RPS6KC1: variants seen among roughly 807,000 people sequenced by gnomAD.
RPS6KC1 encodes ribosomal protein S6 kinase C1.
In RPS6KC1, 54 loss-of-function variants were observed where a neutral mutation model predicts 103.8. The observed-to-expected ratio is 0.52, with a 90% CI of 0.42 to 0.65. RPS6KC1 has a LOEUF of 0.65. RPS6KC1 is among the 30% of genes least tolerant of loss of function. The probability of loss-of-function intolerance (pLI) is 0.00; values close to 1 mark genes in which losing one functional copy is unlikely to be tolerated. For missense variants in RPS6KC1, 1,151 were observed against 1,253.8 expected (o/e 0.92, Z 1.24); for synonymous variants, 439 against 438.7 (o/e 1.00, Z -0.01).
chr1:213,261,652 C>T lies in RPS6KC1; in HGVS notation c.2994+12C>T, dbSNP rs751667190. 2.5e-6 allele frequency: 4 copies of T among 1,606,468 alleles called. No homozygotes were observed. The South Asian group carries it at 4.4e-5, about 18-fold the overall frequency. On this transcript the variant is annotated intron_variant, in intron 13 of 14. Coordinates refer to ENST00000366960, the MANE Select transcript of RPS6KC1 (RefSeq NM_012424.6). Reference sequence around the variant, plus strand: ...TTCTCACTGGCAAGGTAAGCAGTGGCCTGGACGTTTAATAAATTTACTCAG... The same window carrying T: ...TTCTCACTGGCAAGGTAAGCAGTGGTCTGGACGTTTAATAAATTTACTCAG...
the RPS6KC1 span, among the ~76,000 whole-genome samples, chr1:213,523,988 G>A: frequency 2.6e-5 from 4 of 152,108 alleles, no homozygotes; most frequent in Non-Finnish European, 5.9e-5. Flanking sequence ...AAGTCACGGC[G>A]GGAGGCTGAT....
intron 5 of RPS6KC1, 83 bp from the exon 6 acceptor site, chr1:213,129,444 A>G: frequency 7.1e-7 from 1 of 1,413,172 alleles, no homozygotes; most frequent in Non-Finnish European, 9.6e-7. Flanking sequence ...GGATAATATG[A>G]AAAATGAATA....
the RPS6KC1 span, chr1:213,818,166 T>C: frequency 6.6e-6 from 1 of 152,198 alleles, no homozygotes; most frequent in Non-Finnish European, 1.5e-5. Context: ...GGCCAGTTAA[T>C]AACCCTACAA....
chr1:213,549,719 A>G, the RPS6KC1 span, among the ~76,000 whole-genome samples: 3 of 147,016 alleles, frequency 2.0e-5, no homozygotes, highest in East Asian at 6.1e-4. Flanking sequence ...CAGCAGCTTC[A>G]GTAGAAGTGT....
chr1:213,640,589 T>A, the RPS6KC1 span, among the ~76,000 whole-genome samples: 7 of 151,910 alleles, frequency 4.6e-5, no homozygotes, highest in Admixed American at 3.9e-4. Flanking sequence ...GTCCCATAGA[T>A]TTTCATGTGT....
the RPS6KC1 span, among the ~76,000 whole-genome samples, chr1:213,493,514 A>C: frequency 6.6e-6 from 1 of 152,264 alleles, no homozygotes; most frequent in South Asian, 2.1e-4. Flanking sequence ...GCACAGAAAA[A>C]GACAGACATT....
Position 213,240,956 on chromosome 1 carries a change from T to A in RPS6KC1, c.1480T>A (p.Ser494Thr), listed in dbSNP as rs139942392. 2 of 1,613,836 alleles carry A rather than the reference T, an allele frequency of 1.2e-6. No homozygotes were observed. Among genetic ancestry groups the A allele is most frequent in the South Asian group, 2.2e-5 (2 of 91,068 alleles). ...CCAGGAAGATGATGGCCAAGATAGC[T>A]CTCCAAAGTGGCCAGATTCTGGTTC... ...SNQEDDGQDS[S>T]PKWPDSGSSS... The change falls in exon 11 of 15, where the codon TCT (serine) becomes ACT (threonine). Residue 494 changes from serine (S) to threonine (T), a missense_variant. Physicochemically the swap from Ser to Thr is moderately conservative, Grantham distance 58 (BLOSUM62 1). Around this residue, in one of 3 missense-constraint regions of RPS6KC1, gnomAD observed 959 missense variants for 1,006.3 expected, o/e 0.95. Coordinates refer to ENST00000366960, the MANE Select transcript of RPS6KC1 (RefSeq NM_012424.6).
At chr1:213,279,715 C>T (rs1178649537), downstream of RPS6KC1, among the ~76,000 whole-genome samples, 1 of 152,182 alleles carries the variant, frequency 6.6e-6, no homozygotes, top group Non-Finnish European at 1.5e-5. Flanking sequence ...GGTCCCCAAT[C>T]TGGGTCAAGG....
chr1:213,069,117 A>G (rs1009599489), intron 1 of RPS6KC1, among the ~76,000 whole-genome samples: 2 of 152,270 alleles, frequency 1.3e-5, no homozygotes, highest in Non-Finnish European at 2.9e-5. Flanking sequence ...TAGTTTCTCA[A>G]AGTAGCCATA....
chr1:213,409,284 C>T, the RPS6KC1 span, among the ~76,000 whole-genome samples: 1 of 151,924 alleles, frequency 6.6e-6, no homozygotes, highest in Non-Finnish European at 1.5e-5. Context: ...ACTTTTGCAC[C>T]AACCTAATAC....
At chr1:213,180,817 A>G (rs923228906) in intron 8 of RPS6KC1, among the ~76,000 whole-genome samples, 2 of 152,184 alleles carry the variant, frequency 1.3e-5, no homozygotes, top group African/African-American at 4.8e-5. Flanking sequence ...TTGTTTATAT[A>G]TGGTAATTTG....
At chr1:213,416,047 C>T in the RPS6KC1 span, among the ~76,000 whole-genome samples, 5 of 152,240 alleles carry the variant, frequency 3.3e-5, 1 homozygote, top group South Asian at 1.0e-3. Flanking sequence ...GACCACCTCC[C>T]CTTTGCTTCA....
the RPS6KC1 span, among the ~76,000 whole-genome samples, chr1:213,314,238 T>A: frequency 2.0e-5 from 3 of 152,196 alleles, no homozygotes; most frequent in Admixed American, 6.5e-5. Flanking sequence ...TTGGATTAGG[T>A]CCCATTCCAA....
At chr1:213,190,062 A>G (rs2092693743) in intron 8 of RPS6KC1, among the ~76,000 whole-genome samples, 1 of 152,168 alleles carries the variant, frequency 6.6e-6, no homozygotes, top group Non-Finnish European at 1.5e-5. Context: ...CTGTTGATGG[A>G]CACTTAGATT....
At chr1:213,412,779 T>C in the RPS6KC1 span, among the ~76,000 whole-genome samples, 8 of 152,246 alleles carry the variant, frequency 5.3e-5, no homozygotes, top group Non-Finnish European at 2.9e-5. Flanking sequence ...GCTCTGCAAG[T>C]TGGCTGCTTC....
chr1:213,681,546 C>G, the RPS6KC1 span, among the ~76,000 whole-genome samples: 6 of 152,030 alleles, frequency 3.9e-5, no homozygotes, highest in African/African-American at 9.7e-5. Context: ...GCCTGTAATC[C>G]TAGCACTTTG....
At chr1:213,795,391 G>A in the RPS6KC1 span, among the ~76,000 whole-genome samples, 2 of 152,126 alleles carry the variant, frequency 1.3e-5, no homozygotes, top group Non-Finnish European at 2.9e-5. Context: ...TGTTCCTTTT[G>A]CTACAGAAAA....
intron 8 of RPS6KC1, among the ~76,000 whole-genome samples, chr1:213,194,196 G>T (rs933613655): frequency 1.3e-5 from 2 of 152,090 alleles, no homozygotes; most frequent in Non-Finnish European, 2.9e-5. Flanking sequence ...TTCCGCCTGT[G>T]TGTCTTTATA....
the RPS6KC1 span, among the ~76,000 whole-genome samples, chr1:213,423,475 G>A: frequency 7.2e-5 from 11 of 152,168 alleles, no homozygotes; most frequent in Non-Finnish European, 1.5e-4. Flanking sequence ...TCAGCTCATC[G>A]CCCAGATTTA....
Sources: allele counts gnomAD v4.1 joint callset (sites outside exome capture counted in the v4.1 genomes callset), GRCh38; gene constraint gnomAD v4.1.1; regional missense constraint gnomAD v4.1.1; transcripts MANE v1.5; gene names NCBI Gene and HGNC (gene_info 2026-07-23, HGNC 2026-07-21).